The following MDFIC variants were observed in gnomAD, a reference collection of about 807,000 sequenced individuals.
The protein encoded by MDFIC is MyoD family inhibitor domain containing.
MDFIC carries 17 observed loss-of-function variants against 23.2 expected under a neutral mutation model. The observed-to-expected ratio is 0.73, with a 90% CI of 0.50 to 1.10. The LOEUF is 1.10. Among genes scored for constraint, MDFIC ranks in the 50% least tolerant of loss-of-function variants. MDFIC has a pLI of 0.00. For synonymous variants in MDFIC, 120 were observed against 115.2 expected, an observed-to-expected ratio of 1.04 and a Z score of -0.27; for missense variants, 356 against 316.6, an observed-to-expected ratio of 1.12 and a Z score of -0.95.
At chr7:114,990,180 T>G (rs1214737629) in intron 4 of MDFIC, among the ~76,000 whole-genome samples, 1 of 152,190 alleles carries the variant, frequency 6.6e-6, no homozygotes, top group African/African-American at 2.4e-5. Flanking sequence ...CTTGAAAAGG[T>G]TAAAGCTTAA....
intron 4 of MDFIC, among the ~76,000 whole-genome samples, chr7:114,982,155 T>A (rs1483581020): frequency 6.6e-6 from 1 of 152,178 alleles, no homozygotes; most frequent in Non-Finnish European, 1.5e-5. Flanking sequence ...ATGTGATCTC[T>A]TGTTGAGGAA....
intron 4 of MDFIC, among the ~76,000 whole-genome samples, chr7:114,987,715 G>T (rs1175037199): frequency 3.3e-5 from 5 of 152,142 alleles, no homozygotes; most frequent in Admixed American, 6.6e-5. Flanking sequence ...GGCATGATCA[G>T]AGTTGACTAT....
intron 4 of MDFIC, among the ~76,000 whole-genome samples, chr7:115,007,486 C>G (rs1791591677): frequency 6.6e-6 from 1 of 151,320 alleles, no homozygotes; most frequent in Non-Finnish European, 1.5e-5. Flanking sequence ...TCCTTTCTGC[C>G]CAAAAACTGA....
chr7:114,966,591 C>T (rs1355606081), intron 3 of MDFIC, among the ~76,000 whole-genome samples: 1 of 152,136 alleles, frequency 6.6e-6, no homozygotes, highest in Non-Finnish European at 1.5e-5. Context: ...CACATGACTA[C>T]AGCTCCCACC....
chr7:114,949,023 A>G (rs1792707698), intron 3 of MDFIC, among the ~76,000 whole-genome samples: 2 of 152,158 alleles, frequency 1.3e-5, no homozygotes, highest in African/African-American at 4.8e-5. Flanking sequence ...TTTCGTGAAG[A>G]TTGGATAAGA....
At chr7:114,925,391 T>C (rs1252290806) in intron 2 of MDFIC, among the ~76,000 whole-genome samples, 1 of 152,218 alleles carries the variant, frequency 6.6e-6, no homozygotes, top group East Asian at 1.9e-4. Context: ...TAAAAACCTG[T>C]AGTGAAGCCC....
At chr7:114,967,338 AT>A (rs769669005) in intron 3 of MDFIC, among the ~76,000 whole-genome samples, 398 of 152,298 alleles carry the variant, frequency 2.6e-3, no homozygotes, top group Admixed American at 4.1e-3. Flanking sequence ...GTTTTTAAAT[AT>A]TTTTAGAAAA....
chr7:114,937,601 G>T (rs1482977244), intron 2 of MDFIC, among the ~76,000 whole-genome samples: 11 of 152,228 alleles, frequency 7.2e-5, no homozygotes, highest in Admixed American at 5.2e-4. Context: ...CAGTCACACA[G>T]ATGGTCAGCC....
In MDFIC at chr7:115,015,843, G is replaced by C. The variant is rs1314957475; in HGVS notation, c.649G>C (p.Asp217His). Residue 217 changes from aspartate to histidine, a missense_variant, in exon 5 of 5, where the codon GAT becomes CAT. Transcript: ENST00000393486. ...EMGDDCNCPC[D>H]MDCGIMDACC... Reference sequence around the variant, plus strand: ...GGGGGATGATTGTAACTGCCCTTGTGATATGGACTGTGGCATCATGGATGC... The same window carrying C: ...GGGGGATGATTGTAACTGCCCTTGTCATATGGACTGTGGCATCATGGATGC... 1 of 1,614,198 alleles carries C rather than the reference G, an allele frequency of 6.2e-7. No homozygotes were observed. The highest frequency in any genetic ancestry group is 1.7e-5 in the Admixed American group (1 of 60,030).
intron 3 of MDFIC, among the ~76,000 whole-genome samples, chr7:114,964,704 C>A (rs576345069): frequency 6.6e-6 from 1 of 152,194 alleles, no homozygotes; most frequent in South Asian, 2.1e-4. Context: ...GCACCCGCCA[C>A]CACACCCAGC....
At chr7:114,956,430 A>G (rs566274741) in intron 3 of MDFIC, among the ~76,000 whole-genome samples, 19 of 152,050 alleles carry the variant, frequency 1.2e-4, no homozygotes, top group African/African-American at 4.6e-4. Flanking sequence ...GAAAAAAGGC[A>G]TTTTTATTCT....
intron 2 of MDFIC, among the ~76,000 whole-genome samples, chr7:114,941,166 C>A (rs551294571): frequency 1.3e-5 from 2 of 152,176 alleles, no homozygotes; most frequent in South Asian, 4.1e-4. Context: ...AAAAAGCTCA[C>A]CAAGTGAATT....
chr7:114,931,795 G>A lies in MDFIC; in HGVS notation c.94+8668G>A, dbSNP rs12673421. ...AGTGTCCATAGTTGAAGAATATACCGTTTGTAGGGTTTTTTGGTGAGAATT... is the reference window on the plus strand; with the variant it reads ...AGTGTCCATAGTTGAAGAATATACCATTTGTAGGGTTTTTTGGTGAGAATT... On this transcript the variant is annotated intron_variant, in intron 2 of 4. Transcript: ENST00000393486. 3.4e-4 allele frequency among the ~76,000 whole-genome samples: 52 copies of A among 152,260 alleles called. No homozygotes were observed. The East Asian group carries it at 4.8e-3, about 14-fold the overall frequency.
chr7:114,976,609 A>G (rs1221763449), intron 3 of MDFIC, among the ~76,000 whole-genome samples: 1 of 152,148 alleles, frequency 6.6e-6, no homozygotes, highest in Non-Finnish European at 1.5e-5. Flanking sequence ...CCTCTTTATC[A>G]CTAAAGAACT....
At chr7:114,995,416 A>G (rs1791302460) in intron 4 of MDFIC, among the ~76,000 whole-genome samples, 1 of 152,160 alleles carries the variant, frequency 6.6e-6, no homozygotes, top group South Asian at 2.1e-4. Flanking sequence ...GGAGGGGGAT[A>G]GGCACTCTGA....
At chr7:114,937,458 T>C (rs73719539) in intron 2 of MDFIC, among the ~76,000 whole-genome samples, 5,267 of 152,338 alleles carry the variant, frequency 0.035, 294 homozygotes, top group African/African-American at 0.12. Context: ...TCCTTGTGTA[T>C]ATGAGAGTTT....
intron 2 of MDFIC, among the ~76,000 whole-genome samples, chr7:114,936,700 C>T (rs959781953): frequency 1.3e-5 from 2 of 152,176 alleles, no homozygotes; most frequent in Non-Finnish European, 1.5e-5. Context: ...GTGAAACTAG[C>T]TGAGCTGCAG....
chr7:114,934,189 G>T (rs759786699), intron 2 of MDFIC, among the ~76,000 whole-genome samples: 7 of 152,188 alleles, frequency 4.6e-5, no homozygotes, highest in Non-Finnish European at 1.0e-4. Flanking sequence ...GAAGGAGTTT[G>T]CTGTGCCTCA....
At chr7:114,974,802 A>G (rs552137047) in intron 3 of MDFIC, among the ~76,000 whole-genome samples, 2 of 152,164 alleles carry the variant, frequency 1.3e-5, no homozygotes, top group East Asian at 3.9e-4. Flanking sequence ...ACCTAATTCT[A>G]TTGGTTTCCT....
Sources: allele counts gnomAD v4.1 joint callset (sites outside exome capture counted in the v4.1 genomes callset), GRCh38; gene constraint gnomAD v4.1.1; transcripts MANE v1.5; gene names NCBI Gene and HGNC (gene_info 2026-07-23, HGNC 2026-07-21).